The following EPHA6 variants were observed in gnomAD, a reference collection of about 807,000 sequenced individuals.
EPHA6 encodes the protein ephrin type-A receptor 6.
In EPHA6, 50 loss-of-function variants were observed where a neutral mutation model predicts 112.0. The ratio of observed to expected loss-of-function variants is 0.45; its 90% CI spans 0.36 to 0.56. EPHA6 has a LOEUF of 0.56. Ranked by LOEUF, EPHA6 falls within the 20% of genes least tolerant of loss-of-function variation. The pLI is 0.00. For missense variants in EPHA6, 1,280 were observed against 1,417.4 expected (o/e 0.90, Z 1.56); for synonymous variants, 529 against 490.7 (o/e 1.08, Z -1.03).
chr3:97,241,822 A>G (rs2078858079), intron 4 of EPHA6, among the ~76,000 whole-genome samples: 2 of 146,366 alleles, frequency 1.4e-5, no homozygotes, highest in East Asian at 2.0e-4. Flanking sequence ...ATAGACACCC[A>G]TAACATAATT....
intron 9 of EPHA6, chr3:97,481,390 T>G: frequency 6.7e-7 from 1 of 1,498,758 alleles, no homozygotes. Context: ...CTCCCTGAAA[T>G]TTTTTGCTGT....
intron 5 of EPHA6, among the ~76,000 whole-genome samples, chr3:97,388,057 C>T (rs2086175004): frequency 6.6e-6 from 1 of 152,198 alleles, no homozygotes; most frequent in Admixed American, 6.5e-5. Context: ...AGTCTGCCCC[C>T]ATGATTCAAT....
chr3:96,863,582 G>C (rs2036133385), intron 1 of EPHA6, among the ~76,000 whole-genome samples: 1 of 151,772 alleles, frequency 6.6e-6, no homozygotes, highest in African/African-American at 2.4e-5. Flanking sequence ...TCTTGTTTCT[G>C]GAAGATACTA....
chr3:97,519,468 CTCT>C (rs1315059677), intron 10 of EPHA6, among the ~76,000 whole-genome samples: 5 of 152,114 alleles, frequency 3.3e-5, no homozygotes, highest in Non-Finnish European at 5.9e-5. Context: ...GCTATTTGAG[CTCT>C]TCTTTAATTC....
At chr3:97,449,908 T>C (rs1290728346) in intron 7 of EPHA6, among the ~76,000 whole-genome samples, 1 of 152,150 alleles carries the variant, frequency 6.6e-6, no homozygotes, top group East Asian at 1.9e-4. Flanking sequence ...GAATATTTTG[T>C]TGTTTTTACA....
At chr3:96,888,647 C>T (rs2037775195) in intron 2 of EPHA6, among the ~76,000 whole-genome samples, 1 of 152,196 alleles carries the variant, frequency 6.6e-6, no homozygotes. Context: ...GGTCCATAGG[C>T]TGCACACAGC....
chr3:97,074,021 G>A (rs910211334), intron 3 of EPHA6, among the ~76,000 whole-genome samples: 5 of 151,560 alleles, frequency 3.3e-5, no homozygotes, highest in African/African-American at 1.2e-4. Context: ...GCCTACTACT[G>A]ATTATATATG....
intron 6 of EPHA6, among the ~76,000 whole-genome samples, chr3:97,432,881 A>G (rs914528497): frequency 2.6e-5 from 4 of 152,108 alleles, no homozygotes; most frequent in African/African-American, 9.7e-5. Context: ...ATCACCTCCC[A>G]CTGGGTTTCT....
At chr3:97,570,228 C>T (rs1397079822) in intron 11 of EPHA6, among the ~76,000 whole-genome samples, 1 of 151,954 alleles carries the variant, frequency 6.6e-6, no homozygotes, top group Non-Finnish European at 1.5e-5. Flanking sequence ...GCCAGGAAAA[C>T]TTTATGGAGA....
chr3:97,239,588 A>C (rs995228920), intron 4 of EPHA6, among the ~76,000 whole-genome samples: 1 of 151,950 alleles, frequency 6.6e-6, no homozygotes, highest in Non-Finnish European at 1.5e-5. Context: ...GAAAATCGTA[A>C]AGGAAGATAA....
intron 5 of EPHA6, among the ~76,000 whole-genome samples, chr3:97,274,855 C>T (rs1012985323): frequency 6.6e-6 from 1 of 151,970 alleles, no homozygotes; most frequent in Non-Finnish European, 1.5e-5. Flanking sequence ...TGTGGGAGGC[C>T]GGATTGAAGT....
At chr3:97,579,299 A>G (rs895279452) in intron 11 of EPHA6, among the ~76,000 whole-genome samples, 11 of 151,380 alleles carry the variant, frequency 7.3e-5, no homozygotes, top group African/African-American at 2.7e-4. Flanking sequence ...TTATTTTTAT[A>G]TTCCCAGCCT....
intron 2 of EPHA6, among the ~76,000 whole-genome samples, chr3:96,952,236 G>A (rs1464652000): frequency 2.0e-5 from 3 of 152,224 alleles, no homozygotes; most frequent in East Asian, 1.9e-4. Flanking sequence ...GCCTAGCACC[G>A]AATAGCTGTT....
At chr3:97,530,411 A>G (rs2092682393) in intron 10 of EPHA6, among the ~76,000 whole-genome samples, 1 of 152,038 alleles carries the variant, frequency 6.6e-6, no homozygotes, top group African/African-American at 2.4e-5. Flanking sequence ...CCATCTTCTG[A>G]TAATCACCCC....
chr3:96,950,475 A>G (rs1425332171), intron 2 of EPHA6, among the ~76,000 whole-genome samples: 1 of 152,130 alleles, frequency 6.6e-6, no homozygotes, highest in Admixed American at 6.6e-5. Flanking sequence ...AGCTTTGTGA[A>G]GTCAGGAACT....
chr3:97,046,619 A>C (rs1013707657), intron 3 of EPHA6, among the ~76,000 whole-genome samples: 13 of 152,286 alleles, frequency 8.5e-5, no homozygotes, highest in Non-Finnish European at 1.6e-4. Context: ...TAGAAAATCC[A>C]AGATAAAGAA....
At chr3:97,488,244 C>A (rs1017841947) in intron 10 of EPHA6, among the ~76,000 whole-genome samples, 5 of 152,172 alleles carry the variant, frequency 3.3e-5, no homozygotes, top group African/African-American at 1.2e-4. Context: ...CCTCCACTAT[C>A]AGCCTTCTCT....
intron 3 of EPHA6, among the ~76,000 whole-genome samples, chr3:97,198,803 A>C (rs144921676): frequency 6.6e-6 from 1 of 152,182 alleles, no homozygotes; most frequent in Non-Finnish European, 1.5e-5. Context: ...GTGTCTGAAC[A>C]TGCTTTATGT....
At chr3:97,428,367 CTA>C (rs747542872) in intron 6 of EPHA6, among the ~76,000 whole-genome samples, 7 of 151,966 alleles carry the variant, frequency 4.6e-5, no homozygotes, top group Non-Finnish European at 7.4e-5. Context: ...GTTAAGGAAA[CTA>C]TTAAATTACT....
Sources: gnomAD v4.1 joint callset for allele counts (sites outside exome capture counted in the v4.1 genomes callset) on GRCh38, gnomAD v4.1.1 for gene constraint, MANE v1.5 for transcripts, NCBI Gene and HGNC (gene_info 2026-07-23, HGNC 2026-07-21) for gene names.